The following FAM168B variants were observed in gnomAD, a reference collection of about 807,000 sequenced individuals.
FAM168B encodes the protein myelin-associated neurite-outgrowth inhibitor.
In FAM168B, 19 loss-of-function variants were observed where a neutral mutation model predicts 21.8. The ratio of observed to expected loss-of-function variants is 0.87; its 90% CI spans 0.61 to 1.28. FAM168B has a LOEUF of 1.28. FAM168B is among the 50% of genes most tolerant of loss of function. FAM168B has a pLI of 0.00. For missense variants in FAM168B, 233 were observed against 263.1 expected (o/e 0.89, Z 0.79); for synonymous variants, 126 against 104.8 (o/e 1.20, Z -1.24).
chr2:131,063,221 T>C (rs1008492108), intron 3 of FAM168B, among the ~76,000 whole-genome samples: 3 of 152,214 alleles, frequency 2.0e-5, no homozygotes, highest in Non-Finnish European at 2.9e-5. Context: ...AGGTGATCAC[T>C]GTGAAATTTC....
chr2:131,085,965 T>C (rs977051579), intron 1 of FAM168B, among the ~76,000 whole-genome samples: 1 of 152,198 alleles, frequency 6.6e-6, no homozygotes, highest in East Asian at 1.9e-4. Flanking sequence ...TAGTCACATG[T>C]GGCTAGTGGT....
chr2:131,065,689 T>C (rs1424779773), intron 3 of FAM168B, among the ~76,000 whole-genome samples: 1 of 150,378 alleles, frequency 6.6e-6, no homozygotes, highest in African/African-American at 2.5e-5. Flanking sequence ...CTCAGGAGGC[T>C]GAGGCAGGAG....
chr2:131,078,517 C>T (rs1325393899), intron 2 of FAM168B, among the ~76,000 whole-genome samples: 1 of 152,212 alleles, frequency 6.6e-6, no homozygotes, highest in Non-Finnish European at 1.5e-5. Context: ...ATTTGAAGAG[C>T]TACTGCTACT....
Position 131,052,374 on chromosome 2 carries a change from G to A in FAM168B, c.*91C>T, listed in dbSNP as rs1691731551. On this transcript the variant is annotated 3_prime_UTR_variant, in exon 7 of 7. Coordinates refer to ENST00000389915, the MANE Select transcript of FAM168B (RefSeq NM_001009993.4). ...AAGTGTCGAGAGCATTAAGAAGAAA[G>A]TCCTGGTTGGAGGCGCAAGGCCTGC... 1 of 986,574 alleles carries A rather than the reference G, an allele frequency of 1.0e-6. No homozygotes were observed. The highest frequency in any genetic ancestry group is 1.2e-6 in the Non-Finnish European group (1 of 830,478). 61.1% of individuals were successfully genotyped at this position (986,574 alleles called of 1,614,324 possible).
rs1558942906 is a variant in FAM168B at position 131,055,827 on chromosome 2, C to CA, written c.155-133dup. On this transcript the variant is annotated intron_variant, in intron 3 of 6. Transcript: ENST00000389915. ...CCAGACCTGCTGCCACTGCCGCCCC[C>CA]ACTCTCCTCCACTAAGATCTGACTT... 5 of 998,134 alleles carry CA rather than the reference C, an allele frequency of 5.0e-6. No homozygotes were observed. In the East Asian group the frequency reaches 1.3e-4, roughly 26 times the overall value. 61.8% of individuals were successfully genotyped at this position (998,134 alleles called of 1,614,324 possible).
chr2:131,080,136 G>A (rs1573807674), intron 2 of FAM168B, among the ~76,000 whole-genome samples: 1 of 151,864 alleles, frequency 6.6e-6, no homozygotes, highest in African/African-American at 2.4e-5. Flanking sequence ...AAAAAATGTT[G>A]AGAGTTGTTC....
intron 5 of FAM168B, among the ~76,000 whole-genome samples, chr2:131,053,543 C>G (rs1691823325): frequency 6.6e-6 from 1 of 152,140 alleles, no homozygotes; most frequent in Non-Finnish European, 1.5e-5. Flanking sequence ...TGTTTCACAA[C>G]AATGTGAATA....
At chr2:131,075,365 C>T (rs899029471) in intron 2 of FAM168B, among the ~76,000 whole-genome samples, 1 of 151,902 alleles carries the variant, frequency 6.6e-6, no homozygotes, top group Non-Finnish European at 1.5e-5. Context: ...AATTCCTCAT[C>T]TCTCCCTAAA....
intron 2 of FAM168B, among the ~76,000 whole-genome samples, chr2:131,079,324 C>T (rs1027588743): frequency 6.6e-6 from 1 of 152,086 alleles, no homozygotes; most frequent in Non-Finnish European, 1.5e-5. Flanking sequence ...AAAAATTAGT[C>T]GGGCGTGGTG....
At chr2:131,066,131 T>C (rs1654102563) in intron 3 of FAM168B, among the ~76,000 whole-genome samples, 1 of 151,334 alleles carries the variant, frequency 6.6e-6, no homozygotes, top group Non-Finnish European at 1.5e-5. Context: ...AGCTATTTCA[T>C]CACTCCATCA....
At chr2:131,064,302 A>C (rs1304039892) in intron 3 of FAM168B, among the ~76,000 whole-genome samples, 1 of 152,220 alleles carries the variant, frequency 6.6e-6, no homozygotes, top group Non-Finnish European at 1.5e-5. Flanking sequence ...GTAAAAAAAG[A>C]CATTTATTTA....
chr2:131,056,178 A>G (rs1249676856), intron 3 of FAM168B, among the ~76,000 whole-genome samples: 1 of 152,192 alleles, frequency 6.6e-6, no homozygotes, highest in African/African-American at 2.4e-5. Flanking sequence ...AAAACAGGAG[A>G]AACTTGCCCA....
At chr2:131,080,960 A>G (rs932846190) in intron 2 of FAM168B, among the ~76,000 whole-genome samples, 6 of 151,962 alleles carry the variant, frequency 3.9e-5, no homozygotes, top group African/African-American at 1.2e-4. Flanking sequence ...ATGAGCCACT[A>G]CACCCAGCCT....
Position 131,052,835 on chromosome 2 carries a change from G to A in FAM168B, c.*12+56C>T, listed in dbSNP as rs986347716. 4 of 1,537,780 alleles carry A rather than the reference G, an allele frequency of 2.6e-6. No homozygotes were observed. The African/African-American group carries it at 4.1e-5, about 16-fold the overall frequency. ...TTAAATATGTGGTAAATTTGCCACT[G>A]TCCCATGGAAATGCCCTTTCATCAA... On this transcript the variant is annotated intron_variant, in intron 6 of 6. Coordinates refer to ENST00000389915, the MANE Select transcript of FAM168B (RefSeq NM_001009993.4).
chr2:131,072,439 G>A (rs1473366392), intron 2 of FAM168B, among the ~76,000 whole-genome samples: 5 of 151,234 alleles, frequency 3.3e-5, no homozygotes, highest in African/African-American at 1.2e-4. Flanking sequence ...TCAGAATTTT[G>A]ATAGGTAACA....
At chr2:131,090,089 G>A (rs1158958811) in intron 1 of FAM168B, among the ~76,000 whole-genome samples, 3 of 148,416 alleles carry the variant, frequency 2.0e-5, no homozygotes, top group South Asian at 4.2e-4. Context: ...GGAGGCCGAC[G>A]AGGGCGGATC....
At position 131,048,846 on chromosome 2, in the gene FAM168B, G is replaced by C; in HGVS notation, c.*3619C>G. On this transcript the variant is annotated 3_prime_UTR_variant, in exon 7 of 7. Coordinates refer to ENST00000389915, the MANE Select transcript of FAM168B (RefSeq NM_001009993.4). ...GCCACCCACCTCAAGCCACACCCCT[G>C]CCACCTGCTGCTGCGCCCAATGGAG... 1 of 986,242 alleles carries C rather than the reference G, an allele frequency of 1.0e-6. No homozygotes were observed. Among genetic ancestry groups the C allele is most frequent in the Non-Finnish European group, 1.2e-6 (1 of 830,236 alleles). 61.1% of individuals were successfully genotyped at this position (986,242 alleles called of 1,614,324 possible).
At position 131,093,405 on chromosome 2, in the gene FAM168B, G is replaced by A. The variant is rs148255079; in HGVS notation, c.-203C>T. The A allele has an allele frequency of 7.4e-3, 1,114 of 151,166 alleles. 6 individuals carry two copies. Among genetic ancestry groups the A allele is most frequent in the Middle Eastern group, 0.024 (7 of 292 alleles). The allele number at this position is 151,166 out of a possible 1,614,324, so 9.4% of individuals were successfully genotyped here. ...CGCTCGGCTCCGCTTGGCCCGGCCC[G>A]CCTCTCCGCAGCCCGCGCTCCCCGC... On this transcript the variant is annotated 5_prime_UTR_variant, in exon 1 of 7. Coordinates refer to ENST00000389915, the MANE Select transcript of FAM168B (RefSeq NM_001009993.4).
At chr2:131,085,037 G>A (rs1319533067) in intron 1 of FAM168B, among the ~76,000 whole-genome samples, 2 of 152,110 alleles carry the variant, frequency 1.3e-5, no homozygotes, top group African/African-American at 2.4e-5. Flanking sequence ...ACTCACTGAC[G>A]TATGTGGTTA....
Sources: gnomAD v4.1 joint callset for allele counts (sites outside exome capture counted in the v4.1 genomes callset) on GRCh38, gnomAD v4.1.1 for gene constraint, MANE v1.5 for transcripts, NCBI Gene and HGNC (gene_info 2026-07-23, HGNC 2026-07-21) for gene names.